UBR4: variants seen among roughly 807,000 people sequenced by gnomAD.
UBR4 encodes the protein ubiquitin protein ligase E3 component n-recognin 4.
In UBR4, 124 loss-of-function variants were observed where a neutral mutation model predicts 575.6. The ratio of observed to expected loss-of-function variants is 0.22; its 90% confidence interval spans 0.19 to 0.25. UBR4 has a LOEUF of 0.25. UBR4 is among the 10% of genes least tolerant of loss of function. The pLI, the probability that UBR4 is intolerant of heterozygous loss-of-function variation, is 1.00. For synonymous variants in UBR4, 2,455 were observed against 2,473.7 expected (o/e 0.99, Z 0.22); for missense variants, 4,818 against 6,478.8 (o/e 0.74, Z 8.80).
In UBR4 at chr1:19,197,650, T is replaced by A; in HGVS notation, c.893+20A>T. 1 of 1,613,078 alleles carries A rather than the reference T, an allele frequency of 6.2e-7. No individual in the cohort carries two copies. The highest frequency in any genetic ancestry group is 1.1e-5 in the South Asian group (1 of 91,032). ...CCAAAAACAAAAAAAGTAAAGCATG[T>A]GCACTGTGAAGCACCTTACCCATTA... On this transcript the variant is annotated intron_variant, in intron 7 of 105. Coordinates refer to ENST00000375254, the MANE Select transcript of UBR4 (RefSeq NM_020765.3).
rs1408410857 is a variant in UBR4 at position 19,074,817 on chromosome 1, G to A, written c.*15C>T. On this transcript the variant is annotated 3_prime_UTR_variant, in exon 106 of 106. Coordinates refer to ENST00000375254, the MANE Select transcript of UBR4 (RefSeq NM_020765.3). Reference sequence around the variant, plus strand: ...AGCCAGCTTCGTCTTCGCCGCCGCAGCTGCTGTGTGGTGGTCAGGGGACTG... The same window carrying A: ...AGCCAGCTTCGTCTTCGCCGCCGCAACTGCTGTGTGGTGGTCAGGGGACTG... The A allele has an allele frequency of 6.2e-7, 1 of 1,613,938 alleles. No individual in the cohort carries two copies. The highest frequency in any genetic ancestry group is 2.2e-5 in the East Asian group (1 of 44,878).
chr1:19,106,351 T>C (rs2079195202), intron 83 of UBR4, among the ~76,000 whole-genome samples: 1 of 152,046 alleles, frequency 6.6e-6, no homozygotes. Context: ...AAGGAGCGTG[T>C]TAAGATAAGC....
chr1:19,201,847 T>G, intron 1 of UBR4, 32 bp from the exon 2 acceptor site: 1 of 1,592,654 alleles, frequency 6.3e-7, no homozygotes, highest in Middle Eastern at 1.7e-4. Flanking sequence ...AGCCAGCATC[T>G]GCTTAGCGCT....
chr1:19,090,085 C>T (rs904296467), intron 97 of UBR4, among the ~76,000 whole-genome samples: 1 of 152,214 alleles, frequency 6.6e-6, no homozygotes, highest in Non-Finnish European at 1.5e-5. Context: ...ACTCGCAAAC[C>T]TCTGATCTTC....
chr1:19,099,067 G>A lies in UBR4; in HGVS notation c.13302+530C>T, dbSNP rs183356895. Among the ~76,000 whole-genome samples the A allele has an allele frequency of 4.3e-3, 660 of 152,284 alleles. 6 individuals are homozygous for A. The highest frequency in any genetic ancestry group is 6.8e-3 in the Middle Eastern group (2 of 294). ...GTGGACAAACAGCATCACTCGTGGT[G>A]GCCAAAAGGCCCAGAGCGCTGGACT... On this transcript the variant is annotated intron_variant, in intron 90 of 105. Coordinates refer to ENST00000375254, the MANE Select transcript of UBR4 (RefSeq NM_020765.3).
chr1:19,198,161 G>A, intron 5 of UBR4, 112 bp from the exon 6 acceptor site: 1 of 1,052,014 alleles, frequency 9.5e-7, no homozygotes, highest in Non-Finnish European at 1.4e-6. Flanking sequence ...TTAGTGAAGG[G>A]AAAATTCCTT....
At chr1:19,143,023 G>A (rs1425945392) in intron 55 of UBR4, among the ~76,000 whole-genome samples, 1 of 151,796 alleles carries the variant, frequency 6.6e-6, no homozygotes, top group Non-Finnish European at 1.5e-5. Context: ...TAGGGAGGCA[G>A]AGATTGCAGT....
chr1:19,077,259 A>G (rs576813373), intron 104 of UBR4, among the ~76,000 whole-genome samples: 15 of 152,324 alleles, frequency 9.8e-5, no homozygotes, highest in African/African-American at 3.4e-4. Flanking sequence ...TCAAAAACTC[A>G]GATTCTCTCC....
intron 1 of UBR4, among the ~76,000 whole-genome samples, chr1:19,204,618 C>T (rs1312391200): frequency 1.3e-5 from 2 of 151,916 alleles, no homozygotes; most frequent in Non-Finnish European, 2.9e-5. Context: ...CAACTTCCTC[C>T]CCTAGAAATA....
In UBR4 at chr1:19,157,738, T is replaced by A; in HGVS notation, c.5760+77A>T. On this transcript the variant is annotated intron_variant, in intron 40 of 105. Coordinates refer to ENST00000375254, the MANE Select transcript of UBR4 (RefSeq NM_020765.3). The surrounding 1 kb of genome is among the most constrained non-coding windows in gnomAD (Gnocchi z 4.4). ...TTTTCCCACAGAGGGCTAATCCGAA[T>A]GTGGTCATCAATTTGTTTTGCTTAG... is the stretch of plus-strand genomic sequence containing the variant. 6.5e-7 allele frequency: 1 copy of A among 1,545,284 alleles called. No homozygotes were observed. Among genetic ancestry groups the A allele is most frequent in the Non-Finnish European group, 8.8e-7 (1 of 1,137,764 alleles).
At chr1:19,129,955 T>C (rs530731479) in intron 60 of UBR4, among the ~76,000 whole-genome samples, 24 of 152,330 alleles carry the variant, frequency 1.6e-4, no homozygotes, top group African/African-American at 5.5e-4. Context: ...TTTTAATGTG[T>C]GATTGGCATG....
rs1220545509 is a variant in UBR4 at position 19,074,720 on chromosome 1, G to T, written c.*112C>A. 1 of 1,214,664 alleles carries T rather than the reference G, an allele frequency of 8.2e-7. No individual in the cohort carries two copies. The highest frequency in any genetic ancestry group is 1.2e-6 in the Non-Finnish European group (1 of 842,428). The allele number at this position is 1,214,664 out of a possible 1,614,324, so 75.2% of individuals were successfully genotyped here. A position where few individuals can be genotyped will look rare whatever the true frequency, so the allele number is the denominator to read the frequency against. Reference sequence around the variant, plus strand: ...CACCAAGAAAAATGAGAGAGGGGAGGGCGGGGTAACAATGCAGCATCCCGC... The same window carrying T: ...CACCAAGAAAAATGAGAGAGGGGAGTGCGGGGTAACAATGCAGCATCCCGC... On this transcript the variant is annotated 3_prime_UTR_variant, in exon 106 of 106. Transcript: ENST00000375254.
chr1:19,147,815 C>T (rs1047621526), intron 51 of UBR4, among the ~76,000 whole-genome samples, 178 bp downstream of exon 51: 2 of 152,182 alleles, frequency 1.3e-5, no homozygotes, highest in African/African-American at 4.8e-5. Flanking sequence ...CACTGGCTTA[C>T]CCTCGGTTTT....
chr1:19,145,764 C>T (rs2084779383), intron 53 of UBR4, 29 bp downstream of exon 53: 1 of 1,607,324 alleles, frequency 6.2e-7, no homozygotes, highest in African/African-American at 1.3e-5. Flanking sequence ...GGCTTCATTA[C>T]CAAGATTCAA....
intron 22 of UBR4, 66 bp from the exon 23 acceptor site, chr1:19,173,687 G>A (rs2089892326): frequency 1.4e-5 from 21 of 1,466,804 alleles, no homozygotes; most frequent in Middle Eastern, 1.8e-4. Flanking sequence ...CTCACAGTAC[G>A]AACTACTCCA....
rs533050707 is a variant in UBR4 at position 19,143,213 on chromosome 1, A to G, written c.8179+767T>C. On this transcript the variant is annotated intron_variant, in intron 55 of 105. Transcript: ENST00000375254. ...AGAAAGGAAGGAAGGAAGGAAGGAA[A>G]GAAAGGAAGGAAGGAAGGAAGGCAG... Among the ~76,000 whole-genome samples, 593 of 124,302 alleles carry G rather than the reference A, an allele frequency of 4.8e-3. 2 individuals are homozygous for G. Among genetic ancestry groups the G allele is most frequent in the African/African-American group, 0.015 (519 of 34,102 alleles). The allele number at this position is 124,302 out of a possible 152,430, so 81.5% of individuals were successfully genotyped here.
rs1226842722 is a variant in UBR4, at chr1:19,150,762, G to C, written c.7245C>G (p.Thr2415=). 1.9e-6 allele frequency: 3 copies of C among 1,613,842 alleles called. No individual in the cohort carries two copies. Among genetic ancestry groups the C allele is most frequent in the East Asian group, 2.2e-5 (1 of 44,890 alleles). ...CATAAATTTTTACAGCATCTATCAT[G>C]GTGACACCTGCTGGATCCACCGAGG... ...IGASVDPAGV[T]MIDAVKIYGK... Residue 2415 remains threonine, a synonymous_variant, in exon 49 of 106, where the codon ACC becomes ACG. Transcript: ENST00000375254.
At chr1:19,105,709 C>T in intron 84 of UBR4, 24 bp downstream of exon 84, 1 of 1,548,356 alleles carries the variant, frequency 6.5e-7, no homozygotes, top group Non-Finnish European at 8.7e-7. Context: ...TAACCACGCT[C>T]CTCATCCCAC....
At chr1:19,143,167 G>T (rs1460224511) in intron 55 of UBR4, among the ~76,000 whole-genome samples, 4 of 146,000 alleles carry the variant, frequency 2.7e-5, no homozygotes, top group African/African-American at 5.2e-5. Context: ...GAAAGGAAAG[G>T]AAGGAAGGAA....
Sources: gnomAD v4.1 joint callset for allele counts (sites outside exome capture counted in the v4.1 genomes callset) on GRCh38, gnomAD v4.1.1 for gene constraint, Gnocchi (gnomAD v3.1) non-coding constraint, MANE v1.5 for transcripts, NCBI Gene and HGNC (gene_info 2026-07-23, HGNC 2026-07-21) for gene names.